Variants in ITGA8 observed in about 807,000 individuals in gnomAD.
ITGA8 encodes the protein integrin alpha-8.
Under a neutral mutation model 142.3 loss-of-function variants are expected in ITGA8, and 91 were observed. The ratio of observed to expected loss-of-function variants is 0.64; its 90% confidence interval spans 0.54 to 0.76. ITGA8 has a LOEUF of 0.76. Ranked by LOEUF, ITGA8 falls within the 30% of genes least tolerant of loss-of-function variation. The pLI, the probability that ITGA8 is intolerant of heterozygous loss-of-function variation, is 0.00. For synonymous variants in ITGA8, 505 were observed against 485.2 expected (o/e 1.04, Z -0.54); for missense variants, 1,406 against 1,327.7 (o/e 1.06, Z -0.92).
intron 23 of ITGA8, among the ~76,000 whole-genome samples, chr10:15,581,907 G>A (rs980607054): frequency 3.3e-5 from 5 of 152,162 alleles, no homozygotes; most frequent in Non-Finnish European, 7.3e-5. Flanking sequence ...TCAGTGGGGG[G>A]AAAAATGGTT....
At chr10:15,580,248 A>G (rs966411727) in intron 23 of ITGA8, among the ~76,000 whole-genome samples, 2 of 152,052 alleles carry the variant, frequency 1.3e-5, no homozygotes, top group Admixed American at 6.6e-5. Flanking sequence ...AATATTGTGA[A>G]CAACTTTATG....
intron 2 of ITGA8, among the ~76,000 whole-genome samples, chr10:15,705,754 C>T (rs1271827571): frequency 1.3e-5 from 2 of 152,224 alleles, no homozygotes; most frequent in Non-Finnish European, 2.9e-5. Context: ...CCTTCAGCTG[C>T]CAAATCAAAT....
At chr10:15,612,870 T>C (rs1488212264) in intron 15 of ITGA8, among the ~76,000 whole-genome samples, 2 of 152,188 alleles carry the variant, frequency 1.3e-5, no homozygotes, top group African/African-American at 4.8e-5. Flanking sequence ...TAGTTAGAAA[T>C]GGGACATCGG....
chr10:15,568,406 A>G (rs1834115113), intron 25 of ITGA8, among the ~76,000 whole-genome samples: 1 of 152,240 alleles, frequency 6.6e-6, no homozygotes, highest in African/African-American at 2.4e-5. Context: ...TCCCAGTGGT[A>G]GCTTATAAAA....
chr10:15,718,687 A>G, intron 2 of ITGA8, 79 bp downstream of exon 2: 2 of 1,563,446 alleles, frequency 1.3e-6, no homozygotes, highest in Admixed American at 3.5e-5. Flanking sequence ...GCACACCAAG[A>G]CAGCGGGAAG....
chr10:15,627,978 C>A (rs1396773188), intron 13 of ITGA8, among the ~76,000 whole-genome samples: 3 of 151,996 alleles, frequency 2.0e-5, no homozygotes, highest in Non-Finnish European at 4.4e-5. Flanking sequence ...GACCTCTGGT[C>A]CTGCTCACTG....
intron 13 of ITGA8, among the ~76,000 whole-genome samples, chr10:15,619,967 C>T (rs182952440): frequency 9.2e-5 from 14 of 152,216 alleles, no homozygotes; most frequent in South Asian, 2.1e-4. Flanking sequence ...AAATAACAGG[C>T]GAATTTTAAG....
intron 11 of ITGA8, among the ~76,000 whole-genome samples, chr10:15,647,350 T>C (rs1018832208): frequency 4.6e-5 from 7 of 152,182 alleles, no homozygotes; most frequent in Non-Finnish European, 7.3e-5. Context: ...AAACTGTACT[T>C]GCACAAAGCA....
chr10:15,651,846 T>C (rs1159360899), intron 11 of ITGA8, among the ~76,000 whole-genome samples: 1 of 152,198 alleles, frequency 6.6e-6, no homozygotes, highest in Admixed American at 6.5e-5. Flanking sequence ...CTGGCATCTT[T>C]CTTTGGCCAA....
In ITGA8 at chr10:15,646,963, A is replaced by G. The variant is rs1489982437; in HGVS notation, c.1090T>C (p.Leu364=). 1.2e-6 allele frequency: 2 copies of G among 1,613,956 alleles called. No individual in the cohort carries two copies. The highest frequency in any genetic ancestry group is 1.7e-6 in the Non-Finnish European group (2 of 1,180,006). ...CTGAAGAGGAGAGAGCTCACTTGCA[A>G]ATACAGGTAGATTTGCCCTACTTCT... ...PREVGQIYLY[L]QVSSLLFRDP... The change falls in exon 12 of 30, where the codon TTG becomes CTG. Residue 364 remains leucine (L), a synonymous_variant. Coordinates refer to ENST00000378076, the MANE Select transcript of ITGA8 (RefSeq NM_003638.3).
intron 12 of ITGA8, among the ~76,000 whole-genome samples, chr10:15,645,378 G>C (rs1169943881): frequency 6.6e-6 from 1 of 151,986 alleles, no homozygotes; most frequent in East Asian, 1.9e-4. Flanking sequence ...AGGTTTGAGA[G>C]AAAAGACAAA....
intron 13 of ITGA8, among the ~76,000 whole-genome samples, chr10:15,630,601 A>G (rs1833666877): frequency 6.6e-6 from 1 of 152,020 alleles, no homozygotes; most frequent in Admixed American, 6.5e-5. Context: ...CTGAGTGTCT[A>G]AGTGGGAAAT....
chr10:15,525,153 G>A (rs1201969294), intron 28 of ITGA8, among the ~76,000 whole-genome samples: 2 of 151,780 alleles, frequency 1.3e-5, no homozygotes, highest in South Asian at 2.1e-4. Flanking sequence ...GGACTACAGG[G>A]GTGTACCACC....
chr10:15,589,509 C>G (rs945852709), intron 22 of ITGA8, among the ~76,000 whole-genome samples: 3 of 152,296 alleles, frequency 2.0e-5, no homozygotes, highest in Middle Eastern at 3.4e-3. Flanking sequence ...GCCCATTTCT[C>G]TCTTGACTTC....
intron 14 of ITGA8, among the ~76,000 whole-genome samples, chr10:15,615,106 C>A (rs745573994): frequency 5.3e-5 from 8 of 152,084 alleles, no homozygotes; most frequent in African/African-American, 1.9e-4. Flanking sequence ...TTGTTGTGTC[C>A]GCTAATTGGC....
intron 6 of ITGA8, among the ~76,000 whole-genome samples, chr10:15,676,894 A>C (rs1834640263): frequency 6.6e-6 from 1 of 152,160 alleles, no homozygotes; most frequent in African/African-American, 2.4e-5. Context: ...TTGTATTACC[A>C]GCTACTCAGG....
At chr10:15,574,360 A>G (rs1207205295) in intron 24 of ITGA8, among the ~76,000 whole-genome samples, 1 of 152,186 alleles carries the variant, frequency 6.6e-6, no homozygotes, top group Non-Finnish European at 1.5e-5. Flanking sequence ...ATTTTTATCT[A>G]TGTACCATCT....
At chr10:15,618,347 C>G (rs747940711) in intron 13 of ITGA8, among the ~76,000 whole-genome samples, 2 of 152,084 alleles carry the variant, frequency 1.3e-5, no homozygotes, top group Middle Eastern at 3.4e-3. Flanking sequence ...AATAGAAAAA[C>G]AAAAAACAAA....
rs762605347 is a variant in ITGA8 at position 15,531,109 on chromosome 10, C to T, written c.2923G>A (p.Glu975Lys). The change falls in exon 28 of 30, where the codon GAA (glutamate) becomes AAA (lysine). Residue 975 changes from glutamate to lysine, a missense_variant. Glu to Lys is a moderately conservative substitution (Grantham distance 56, BLOSUM62 1). Transcript: ENST00000378076. The stretch of plus-strand genomic sequence containing the variant: ...TCTGTATAAGGCATCTTCTTAACTT[C>T]AAAGGACACCAGGGATGCAAGAGCA... The part of the protein sequence containing the change: ...PYALASLVSF[E>K]VKKMPYTDQP... The T allele has an allele frequency of 1.1e-5, 17 of 1,578,164 alleles. No individual in the cohort carries two copies. The South Asian group carries it at 2.1e-4, about 19-fold the overall frequency.
Sources: allele counts gnomAD v4.1 joint callset (sites outside exome capture counted in the v4.1 genomes callset), GRCh38; gene constraint gnomAD v4.1.1; transcripts MANE v1.5; gene names NCBI Gene and HGNC (gene_info 2026-07-23, HGNC 2026-07-21).